The following DYTN variants were observed in gnomAD, a reference collection of about 807,000 sequenced individuals.
DYTN encodes dystrotelin.
A neutral mutation model predicts 69.6 loss-of-function variants in DYTN; 75 were observed. The observed-to-expected ratio is 1.08, with a 90% CI of 0.89 to 1.31. The LOEUF is 1.31. Ranked by LOEUF, DYTN falls within the 50% of genes most tolerant of loss-of-function variation. The pLI is 0.00. For synonymous variants in DYTN, 252 were observed against 249.1 expected, an observed-to-expected ratio of 1.01 and a Z score of -0.11; for missense variants, 726 against 688.4, an observed-to-expected ratio of 1.05 and a Z score of -0.61.
At chr2:206,712,109 A>G (rs1016547654) in intron 1 of DYTN, among the ~76,000 whole-genome samples, 1 of 152,192 alleles carries the variant, frequency 6.6e-6, no homozygotes, top group Non-Finnish European at 1.5e-5. Context: ...AAACCAGTAG[A>G]CCTTAAAGTA....
At chr2:206,668,708 T>C (rs1220749798) in intron 9 of DYTN, among the ~76,000 whole-genome samples, 2 of 152,210 alleles carry the variant, frequency 1.3e-5, no homozygotes, top group African/African-American at 2.4e-5. Flanking sequence ...ATTACTGATA[T>C]GGTTTGGCTG....
intron 5 of DYTN, 131 bp downstream of exon 5, chr2:206,704,712 C>A: frequency 1.4e-6 from 1 of 726,468 alleles, no homozygotes. Context: ...ACAGCAATGG[C>A]TATGGAGGAG....
At chr2:206,700,289 G>C (rs1305746457) in intron 5 of DYTN, 73 bp from the exon 6 acceptor site, 4 of 1,541,488 alleles carry the variant, frequency 2.6e-6, no homozygotes, top group African/African-American at 1.4e-5. Flanking sequence ...GCAGGGCTGA[G>C]AGCTGGTGCC....
At chr2:206,671,687 A>G (rs1169700190) in intron 9 of DYTN, among the ~76,000 whole-genome samples, 2 of 152,306 alleles carry the variant, frequency 1.3e-5, no homozygotes, top group African/African-American at 4.8e-5. Flanking sequence ...GAACAATGAA[A>G]AACCTTAAAA....
intron 11 of DYTN, among the ~76,000 whole-genome samples, chr2:206,662,242 G>C (rs775591549): frequency 1.2e-3 from 178 of 152,302 alleles, no homozygotes; most frequent in Middle Eastern, 6.8e-3. Context: ...TGTTTGGTAG[G>C]TTAGGTATAC....
At chr2:206,658,099 T>G (rs768914653) in intron 11 of DYTN, among the ~76,000 whole-genome samples, 2 of 152,076 alleles carry the variant, frequency 1.3e-5, no homozygotes, top group Non-Finnish European at 2.9e-5. Flanking sequence ...TCTTTGGGTT[T>G]GCTGATTTTT....
intron 1 of DYTN, among the ~76,000 whole-genome samples, chr2:206,712,978 G>C (rs1700091109): frequency 6.6e-6 from 1 of 152,234 alleles, no homozygotes; most frequent in Non-Finnish European, 1.5e-5. Context: ...TTGTCAGGCT[G>C]TGTAGCTTGC....
intron 9 of DYTN, among the ~76,000 whole-genome samples, chr2:206,692,522 A>G (rs989353352): frequency 3.9e-5 from 6 of 152,166 alleles, no homozygotes; most frequent in Admixed American, 2.6e-4. Context: ...TTCCCTTAAT[A>G]AAAACATAAA....
At chr2:206,651,957 C>A (rs371213987) in intron 11 of DYTN, 36 bp from the exon 12 acceptor site, 2 of 1,571,408 alleles carry the variant, frequency 1.3e-6, no homozygotes, top group Non-Finnish European at 1.7e-6. Context: ...TTTAGAGAAA[C>A]ATACCGGTAG....
intron 9 of DYTN, among the ~76,000 whole-genome samples, chr2:206,687,577 T>C (rs1699825099): frequency 6.6e-6 from 1 of 152,172 alleles, no homozygotes; most frequent in East Asian, 1.9e-4. Flanking sequence ...TATTCCTTCA[T>C]GATTTTTTGT....
intron 8 of DYTN, 40 bp downstream of exon 8, chr2:206,694,726 T>C: frequency 1.3e-6 from 2 of 1,517,120 alleles, no homozygotes; most frequent in Non-Finnish European, 1.8e-6. Flanking sequence ...TTATACTGAA[T>C]TGATTAATGA....
intron 9 of DYTN, among the ~76,000 whole-genome samples, chr2:206,692,960 C>G (rs2105897257): frequency 6.6e-6 from 1 of 152,292 alleles, no homozygotes; most frequent in Non-Finnish European, 1.5e-5. Context: ...CTCTAAACAT[C>G]TGGATGGGTC....
chr2:206,671,649 C>T (rs1384924642), intron 9 of DYTN, among the ~76,000 whole-genome samples: 1 of 152,170 alleles, frequency 6.6e-6, no homozygotes, highest in Non-Finnish European at 1.5e-5. Flanking sequence ...ATGCTATAAA[C>T]TTATTTATGT....
Position 206,718,348 on chromosome 2 carries a change from G to C in DYTN, c.-69C>G. 1 of 1,542,640 alleles carries C rather than the reference G, an allele frequency of 6.5e-7. No homozygotes were observed. ...AACTAGAAATGAACCAGTATTTTAAGCAGAAGGTTTTGCAGCAGAGGAATG... is the reference window on the plus strand; with the variant it reads ...AACTAGAAATGAACCAGTATTTTAACCAGAAGGTTTTGCAGCAGAGGAATG... On this transcript the variant is annotated 5_prime_UTR_variant, in exon 1 of 12. Transcript: ENST00000452335.
At chr2:206,682,134 A>AT (rs1231102989) in intron 9 of DYTN, among the ~76,000 whole-genome samples, 1 of 151,718 alleles carries the variant, frequency 6.6e-6, no homozygotes, top group South Asian at 2.1e-4. Flanking sequence ...GAATTTTTCC[A>AT]TTTTTTTCTA....
intron 9 of DYTN, among the ~76,000 whole-genome samples, chr2:206,671,821 C>A (rs909914547): frequency 6.6e-6 from 1 of 152,146 alleles, no homozygotes; most frequent in Admixed American, 6.5e-5. Flanking sequence ...CAGGTTAGTG[C>A]AAATGGTGGT....
At chr2:206,709,802 G>T (rs1223012113) in intron 2 of DYTN, among the ~76,000 whole-genome samples, 3 of 152,128 alleles carry the variant, frequency 2.0e-5, no homozygotes, top group African/African-American at 4.8e-5. Context: ...CATGCAGTGA[G>T]AAATCAATAA....
In DYTN at chr2:206,718,369, G is replaced by T; in HGVS notation, c.-90C>A. The T allele has an allele frequency of 7.0e-7, 1 of 1,432,662 alleles. No homozygotes were observed. The highest frequency in any genetic ancestry group is 9.6e-7 in the Non-Finnish European group (1 of 1,045,546). The allele number at this position is 1,432,662 out of a possible 1,614,324, so 88.7% of individuals were successfully genotyped here. ...TTAAGCAGAAGGTTTTGCAGCAGAG[G>T]AATGAGGACAGGGGAACAAAAAGGC... On this transcript the variant is annotated 5_prime_UTR_variant, in exon 1 of 12. Coordinates refer to ENST00000452335, the MANE Select transcript of DYTN (RefSeq NM_001093730.1).
intron 9 of DYTN, among the ~76,000 whole-genome samples, chr2:206,689,371 A>G (rs758387869): frequency 9.2e-5 from 14 of 152,212 alleles, no homozygotes; most frequent in Admixed American, 2.0e-4. Flanking sequence ...GTTTTTTACT[A>G]TTATTACATT....
Sources: allele counts gnomAD v4.1 joint callset (sites outside exome capture counted in the v4.1 genomes callset), GRCh38; gene constraint gnomAD v4.1.1; transcripts MANE v1.5; gene names NCBI Gene and HGNC (gene_info 2026-07-23, HGNC 2026-07-21).